DGKB: variants seen among roughly 807,000 people sequenced by gnomAD.
The protein encoded by DGKB is diacylglycerol kinase beta.
A neutral mutation model predicts 114.3 loss-of-function variants in DGKB; 67 were observed. The observed-to-expected ratio is 0.59, with a 90% CI of 0.48 to 0.72. DGKB has a LOEUF of 0.72. Among genes scored for constraint, DGKB ranks in the 30% least tolerant of loss-of-function variants. The probability of loss-of-function intolerance (pLI) is 0.00; values close to 1 mark genes in which losing one functional copy is unlikely to be tolerated. For synonymous variants in DGKB, 398 were observed against 323.1 expected, an observed-to-expected ratio of 1.23 and a Z score of -2.49; for missense variants, 907 against 975.2, an observed-to-expected ratio of 0.93 and a Z score of 0.93.
At chr7:14,468,715 G>T (rs537236928) in intron 21 of DGKB, among the ~76,000 whole-genome samples, 1 of 149,446 alleles carries the variant, frequency 6.7e-6, no homozygotes, top group Non-Finnish European at 1.5e-5. Context: ...TCTAAAAGTG[G>T]TTTTTTACTG....
intron 23 of DGKB, among the ~76,000 whole-genome samples, chr7:14,294,142 G>T (rs1452420740): frequency 6.6e-6 from 1 of 152,006 alleles, no homozygotes; most frequent in Non-Finnish European, 1.5e-5. Context: ...AGGCAGCAAT[G>T]TTTGGCTCAG....
At chr7:14,195,113 T>C (rs757496302) in intron 23 of DGKB, among the ~76,000 whole-genome samples, 2 of 152,222 alleles carry the variant, frequency 1.3e-5, no homozygotes, top group Non-Finnish European at 2.9e-5. Flanking sequence ...GTGGTGAATA[T>C]GAACACTGCT....
intron 1 of DGKB, among the ~76,000 whole-genome samples, chr7:14,941,908 A>T (rs1366992416): frequency 6.6e-6 from 1 of 152,192 alleles, no homozygotes; most frequent in Middle Eastern, 3.4e-3. Flanking sequence ...AACCTTTAGT[A>T]ACAGTTAATT....
chr7:14,549,728 C>A, intron 20 of DGKB, among the ~76,000 whole-genome samples: 1 of 152,190 alleles, frequency 6.6e-6, no homozygotes. Context: ...GTGGCTCACG[C>A]CTGTAATCCC....
At chr7:14,170,151 A>AAAG (rs1554272026) in intron 25 of DGKB, among the ~76,000 whole-genome samples, 27 of 68,380 alleles carry the variant, frequency 3.9e-4, no homozygotes, top group Non-Finnish European at 5.2e-4. Context: ...AAAAAAAAGA[A>AAAG]AGAAAGAAAG....
At chr7:14,905,766 G>A (rs142198553), upstream of DGKB, among the ~76,000 whole-genome samples, 147 of 152,230 alleles carry the variant, frequency 9.7e-4, no homozygotes, top group African/African-American at 3.3e-3. Context: ...TCATTCATGC[G>A]TCTCTAGCAT....
chr7:14,852,488 A>AAAAAAAAAAAAACAAACAAAC (rs1554304271), intron 1 of DGKB, among the ~76,000 whole-genome samples: 3 of 50,406 alleles, frequency 6.0e-5, no homozygotes, highest in African/African-American at 8.5e-5. Context: ...AGTGAAAGTC[A>AAAAAAAAAAAAACAAACAAAC]AAAAAAAAAC....
intron 25 of DGKB, among the ~76,000 whole-genome samples, chr7:14,156,583 CTCT>C (rs1033804079): frequency 2.0e-5 from 3 of 151,928 alleles, no homozygotes; most frequent in African/African-American, 7.3e-5. Flanking sequence ...AATATGAAAA[CTCT>C]TCTTAACTCT....
intron 13 of DGKB, among the ~76,000 whole-genome samples, chr7:14,658,538 C>T (rs540665268): frequency 2.0e-5 from 3 of 151,864 alleles, no homozygotes; most frequent in Non-Finnish European, 4.4e-5. Flanking sequence ...TAGTTTCACA[C>T]ATTGTATGTT....
chr7:14,505,246 G>A, intron 20 of DGKB, among the ~76,000 whole-genome samples: 1 of 152,100 alleles, frequency 6.6e-6, no homozygotes, highest in East Asian at 1.9e-4. Flanking sequence ...ACTGAAATCA[G>A]GAGTTTGAGA....
At chr7:14,632,403 C>T (rs1249505974) in intron 13 of DGKB, among the ~76,000 whole-genome samples, 2 of 151,002 alleles carry the variant, frequency 1.3e-5, no homozygotes, top group African/African-American at 4.9e-5. Flanking sequence ...TATATATATA[C>T]ACATACATAT....
At chr7:14,291,582 G>T (rs1174238604) in intron 23 of DGKB, among the ~76,000 whole-genome samples, 1 of 151,850 alleles carries the variant, frequency 6.6e-6, no homozygotes, top group African/African-American at 2.4e-5. Context: ...GAGGTTCTGA[G>T]GACCTGATCT....
chr7:14,967,801 AAAGT>A (rs2115296218), intron 1 of DGKB, among the ~76,000 whole-genome samples: 1 of 152,228 alleles, frequency 6.6e-6, no homozygotes, highest in South Asian at 2.1e-4. Flanking sequence ...TAAAATGCTA[AAAGT>A]AAGTAACTTA....
At chr7:14,485,327 G>C (rs935834721) in intron 20 of DGKB, among the ~76,000 whole-genome samples, 1 of 151,296 alleles carries the variant, frequency 6.6e-6, no homozygotes, top group Non-Finnish European at 1.5e-5. Context: ...GTGTGTGTGT[G>C]TGTGTGTGAT....
chr7:14,795,131 C>T (rs1437015854), intron 2 of DGKB, among the ~76,000 whole-genome samples: 1 of 152,190 alleles, frequency 6.6e-6, no homozygotes, highest in Non-Finnish European at 1.5e-5. Flanking sequence ...TAAACTCAAA[C>T]AAACTACTTG....
intron 21 of DGKB, among the ~76,000 whole-genome samples, chr7:14,368,762 C>T (rs1481135296): frequency 1.3e-5 from 2 of 151,944 alleles, no homozygotes; most frequent in Non-Finnish European, 2.9e-5. Flanking sequence ...TGAGATGCAA[C>T]CCAAATGTGA....
intron 2 of DGKB, 51 bp from the exon 3 acceptor site, chr7:14,757,782 G>T: frequency 1.0e-6 from 1 of 971,740 alleles, no homozygotes; most frequent in Non-Finnish European, 1.6e-6. Flanking sequence ...TACTGTGGTT[G>T]TGTAGCCCAG....
intron 1 of DGKB, among the ~76,000 whole-genome samples, chr7:14,913,107 C>T (rs550864709): frequency 2.0e-5 from 3 of 152,162 alleles, no homozygotes; most frequent in African/African-American, 7.2e-5. Flanking sequence ...TCACAATGTT[C>T]CAGCATTGTG....
intron 21 of DGKB, among the ~76,000 whole-genome samples, chr7:14,444,369 C>G (rs1209787578): frequency 6.6e-6 from 1 of 151,526 alleles, no homozygotes; most frequent in African/African-American, 2.4e-5. Flanking sequence ...TAAATTTTCA[C>G]TTAATATTAT....
Sources: gnomAD v4.1 joint callset for allele counts (sites outside exome capture counted in the v4.1 genomes callset) on GRCh38, gnomAD v4.1.1 for gene constraint, MANE v1.5 for transcripts, NCBI Gene and HGNC (gene_info 2026-07-23, HGNC 2026-07-21) for gene names.